The following PDCD6 variants were observed in gnomAD, a reference collection of about 807,000 sequenced individuals.
The protein encoded by PDCD6 is programmed cell death protein 6.
PDCD6 carries 12 observed loss-of-function variants against 28.3 expected under a neutral mutation model. That is an observed-to-expected ratio of 0.42 (90% CI 0.27 to 0.69). PDCD6 has a LOEUF of 0.69. PDCD6 is among the 30% of genes least tolerant of loss of function. The pLI is 0.22. For missense variants in PDCD6, 226 were observed against 269.9 expected, an observed-to-expected ratio of 0.84 and a Z score of 1.14; for synonymous variants, 92 against 108.0, an observed-to-expected ratio of 0.85 and a Z score of 0.92.
At chr5:284,376 C>G (rs866497765) in intron 2 of PDCD6, among the ~76,000 whole-genome samples, 4 of 152,124 alleles carry the variant, frequency 2.6e-5, no homozygotes, top group African/African-American at 9.7e-5. Context: ...GTTTGAGGGT[C>G]GCGTAGCTGA....
chr5:303,022 G>C (rs1179289028), intron 2 of PDCD6, among the ~76,000 whole-genome samples: 2 of 152,194 alleles, frequency 1.3e-5, no homozygotes, highest in African/African-American at 4.8e-5. Context: ...TAACTTCTGG[G>C]CTGGGAGAAT....
At chr5:288,985 C>T (rs1299496449) in intron 2 of PDCD6, 32 of 1,279,942 alleles carry the variant, frequency 2.5e-5, no homozygotes, top group African/African-American at 1.3e-4. Flanking sequence ...TCAGGGCCTT[C>T]GTTTTCATTA....
intron 2 of PDCD6, chr5:276,402 C>G: frequency 1.0e-5 from 10 of 991,124 alleles, no homozygotes; most frequent in Non-Finnish European, 1.2e-5. Context: ...GTTGTATGTA[C>G]AGGCACACAA....
chr5:286,869 C>T (rs1739003877), intron 2 of PDCD6, among the ~76,000 whole-genome samples: 1 of 152,154 alleles, frequency 6.6e-6, no homozygotes, highest in Admixed American at 6.5e-5. Flanking sequence ...GCCAATGCTG[C>T]CTCTGATGTC....
chr5:272,768 C>T lies in PDCD6; in HGVS notation c.159C>T (p.Ser53=), dbSNP rs766831609. 2 of 1,585,848 alleles carry T rather than the reference C, an allele frequency of 1.3e-6. No homozygotes were observed. The highest frequency in any genetic ancestry group is 1.7e-6 in the Non-Finnish European group (2 of 1,172,656). ...ISDTELQQAL[S]NGTWTPFNPV... ...ACACCGAGCTTCAGCAAGCTCTCTCCAACGGTGAGTGGGCCAGTGGGAACT... is the reference window on the plus strand; with the variant it reads ...ACACCGAGCTTCAGCAAGCTCTCTCTAACGGTGAGTGGGCCAGTGGGAACT... Residue 53 remains serine (S), a synonymous_variant, in exon 2 of 6, where the codon TCC becomes TCT. Transcript: ENST00000264933.
chr5:295,804 C>T (rs947081476), intron 2 of PDCD6, among the ~76,000 whole-genome samples: 6 of 147,394 alleles, frequency 4.1e-5, no homozygotes, highest in Middle Eastern at 3.2e-3. Flanking sequence ...ATCACTAAGA[C>T]GATAGTTACT....
At chr5:281,260 C>T (rs1456681081) in intron 2 of PDCD6, among the ~76,000 whole-genome samples, 1 of 152,228 alleles carries the variant, frequency 6.6e-6, no homozygotes, top group African/African-American at 2.4e-5. Context: ...TGCTGAATTT[C>T]GTAAGAAGGG....
intron 2 of PDCD6, among the ~76,000 whole-genome samples, chr5:278,785 CACAGGGGAGGGTGCTGGGGAT>C (rs1470123007): frequency 7.4e-6 from 1 of 135,980 alleles, no homozygotes; most frequent in Non-Finnish European, 1.6e-5. Flanking sequence ...GGGCTGGGGA[CACAGGGGAGGGTGCTGGGGAT>C]GCAGGGGAGG....
chr5:280,856 C>T (rs1467820574), intron 2 of PDCD6, among the ~76,000 whole-genome samples: 1 of 151,442 alleles, frequency 6.6e-6, no homozygotes, highest in Non-Finnish European at 1.5e-5. Context: ...GGGTAGAGGG[C>T]AGGGCCGTGC....
chr5:282,599 C>T (rs1467335224), intron 2 of PDCD6, among the ~76,000 whole-genome samples: 1 of 144,010 alleles, frequency 6.9e-6, no homozygotes, highest in Non-Finnish European at 1.5e-5. Flanking sequence ...CTTGCAGCTG[C>T]AGACCTGGAG....
At chr5:271,971 C>T (rs1737841459) in intron 1 of PDCD6, 150 bp downstream of exon 1, 2 of 424,696 alleles carry the variant, frequency 4.7e-6, no homozygotes, top group Non-Finnish European at 4.1e-6. Flanking sequence ...CTCCCGTCCC[C>T]TGCCGCCGCC....
chr5:285,579 TCC>T, intron 2 of PDCD6, among the ~76,000 whole-genome samples: 1 of 151,654 alleles, frequency 6.6e-6, no homozygotes, highest in Admixed American at 6.6e-5. Flanking sequence ...GAGCTGATGT[TCC>T]AGTTTGAGGG....
At chr5:280,868 GGGCACTT>G (rs1738522800) in intron 2 of PDCD6, among the ~76,000 whole-genome samples, 1 of 152,194 alleles carries the variant, frequency 6.6e-6, no homozygotes, top group African/African-American at 2.4e-5. Flanking sequence ...GGGCCGTGCT[GGGCACTT>G]TGGGCTGTGG....
intron 2 of PDCD6, among the ~76,000 whole-genome samples, chr5:287,893 C>T (rs1487882861): frequency 1.3e-5 from 2 of 152,114 alleles, no homozygotes; most frequent in Admixed American, 6.5e-5. Context: ...GAAAAGCAAG[C>T]AAAAGTTCAA....
chr5:271,925 G>A, intron 1 of PDCD6, 104 bp downstream of exon 1: 1 of 539,464 alleles, frequency 1.9e-6, no homozygotes, highest in Non-Finnish European at 3.0e-6. Flanking sequence ...TTCTACTGCG[G>A]CCTCCTCCGT....
chr5:283,545 G>T (rs113494862), intron 2 of PDCD6, among the ~76,000 whole-genome samples: 1 of 152,326 alleles, frequency 6.6e-6, no homozygotes, highest in East Asian at 1.9e-4. Context: ...TGCAGCTGAA[G>T]ACTCGGGGAG....
intron 2 of PDCD6, among the ~76,000 whole-genome samples, chr5:284,734 G>A (rs563283422): frequency 1.3e-5 from 2 of 151,096 alleles, no homozygotes; most frequent in East Asian, 2.0e-4. Flanking sequence ...TTTCAGGGCC[G>A]TGCAGCTGGA....
intron 2 of PDCD6, among the ~76,000 whole-genome samples, chr5:291,782 G>A (rs1469513971): frequency 2.6e-5 from 4 of 152,224 alleles, no homozygotes; most frequent in African/African-American, 9.6e-5. Context: ...GGGAGCATGG[G>A]AAATGTCTTC....
At chr5:299,318 T>G (rs1337480265) in intron 2 of PDCD6, among the ~76,000 whole-genome samples, 1 of 88,454 alleles carries the variant, frequency 1.1e-5, no homozygotes, top group Admixed American at 1.1e-4. Flanking sequence ...GGGCACCCGT[T>G]CCTGTGGCAT....
Sources: gnomAD v4.1 joint callset for allele counts (sites outside exome capture counted in the v4.1 genomes callset) on GRCh38, gnomAD v4.1.1 for gene constraint, MANE v1.5 for transcripts, NCBI Gene and HGNC (gene_info 2026-07-23, HGNC 2026-07-21) for gene names.